Variants in POU6F2 observed in about 807,000 individuals in gnomAD.
The protein encoded by POU6F2 is POU domain, class 6, transcription factor 2.
A neutral mutation model predicts 71.3 loss-of-function variants in POU6F2; 31 were observed. The observed-to-expected ratio is 0.43, with a 90% CI of 0.33 to 0.59. The LOEUF (loss-of-function observed/expected upper bound fraction) is 0.59, where lower values mean the gene tolerates loss of function less well. Ranked by LOEUF, POU6F2 falls within the 20% of genes least tolerant of loss-of-function variation. POU6F2 has a pLI of 0.04. For missense variants in POU6F2, 783 were observed against 856.8 expected, an observed-to-expected ratio of 0.91 and a Z score of 1.07; for synonymous variants, 347 against 355.7, an observed-to-expected ratio of 0.98 and a Z score of 0.27.
At chr7:39,363,809 A>C (rs983393393) in intron 5 of POU6F2, among the ~76,000 whole-genome samples, 8 of 152,054 alleles carry the variant, frequency 5.3e-5, no homozygotes, top group Admixed American at 1.3e-4. Context: ...TTCACCTGGA[A>C]ATAAGTAGTG....
chr7:39,388,680 T>A (rs1180971150), intron 5 of POU6F2, among the ~76,000 whole-genome samples: 1 of 152,172 alleles, frequency 6.6e-6, no homozygotes, highest in Non-Finnish European at 1.5e-5. Context: ...GAATTGAACT[T>A]CCTGGGCTTA....
intron 5 of POU6F2, among the ~76,000 whole-genome samples, chr7:39,364,810 A>T (rs1786465426): frequency 6.6e-6 from 1 of 152,078 alleles, no homozygotes; most frequent in African/African-American, 2.4e-5. Context: ...ATCAAATGGT[A>T]GTTCTACTTT....
intron 2 of POU6F2, among the ~76,000 whole-genome samples, chr7:39,096,478 C>G (rs1051218551): frequency 6.6e-6 from 1 of 152,192 alleles, no homozygotes; most frequent in African/African-American, 2.4e-5. Context: ...CATTTACTCT[C>G]CCAGGGATGT....
intron 2 of POU6F2, among the ~76,000 whole-genome samples, chr7:39,097,192 G>A (rs1309137924): frequency 6.6e-6 from 1 of 151,868 alleles, no homozygotes; most frequent in Admixed American, 6.6e-5. Flanking sequence ...TAAATAAAAG[G>A]GTTATTATTA....
At chr7:39,153,617 GATTA>G (rs924274157) in intron 2 of POU6F2, among the ~76,000 whole-genome samples, 2 of 152,088 alleles carry the variant, frequency 1.3e-5, no homozygotes, top group African/African-American at 2.4e-5. Flanking sequence ...TTAATTAAAA[GATTA>G]ATTAAAAGAA....
intron 5 of POU6F2, among the ~76,000 whole-genome samples, chr7:39,354,124 T>C (rs1786205301): frequency 6.6e-6 from 1 of 152,084 alleles, no homozygotes; most frequent in African/African-American, 2.4e-5. Context: ...ACCAAACAAA[T>C]GGGAGGTGGG....
rs367639284 is a variant in POU6F2, at chr7:39,376,727, C to G, written c.973-29873C>G. Reference sequence around the variant, plus strand: ...GCTATTAAAATAGTGGCAATCACAACACTGGAAAAGCCTCCAGTTCCTAGA... The same window carrying G: ...GCTATTAAAATAGTGGCAATCACAAGACTGGAAAAGCCTCCAGTTCCTAGA... On this transcript the variant is annotated intron_variant, in intron 5 of 9. Transcript: ENST00000518318. Among the ~76,000 whole-genome samples the G allele has an allele frequency of 4.6e-5, 7 of 152,250 alleles. No homozygotes were observed. The East Asian group carries it at 5.8e-4, about 13-fold the overall frequency.
intron 2 of POU6F2, among the ~76,000 whole-genome samples, chr7:39,166,766 G>C (rs1167567353): frequency 6.6e-6 from 1 of 152,120 alleles, no homozygotes; most frequent in Non-Finnish European, 1.5e-5. Flanking sequence ...AGGTAGTGCT[G>C]GAATGTTCAC....
At chr7:39,049,639 C>G (rs188061100) in intron 1 of POU6F2, among the ~76,000 whole-genome samples, 2 of 152,132 alleles carry the variant, frequency 1.3e-5, no homozygotes, top group African/African-American at 4.8e-5. Context: ...TTTACTTTAT[C>G]ATAATACCAA....
intron 5 of POU6F2, among the ~76,000 whole-genome samples, chr7:39,359,444 G>C (rs1786329253): frequency 6.6e-6 from 1 of 151,952 alleles, no homozygotes; most frequent in Non-Finnish European, 1.5e-5. Flanking sequence ...ACAGTTTGGG[G>C]TTTTCTCTAC....
intron 1 of POU6F2, among the ~76,000 whole-genome samples, chr7:39,064,033 A>C (rs1212613411): frequency 6.6e-6 from 1 of 152,170 alleles, no homozygotes; most frequent in East Asian, 1.9e-4. Flanking sequence ...GAGATGAATC[A>C]AAATGAACTA....
intron 1 of POU6F2, among the ~76,000 whole-genome samples, chr7:39,019,450 A>G (rs1057324696): frequency 3.9e-5 from 6 of 152,234 alleles, no homozygotes; most frequent in Admixed American, 1.3e-4. Context: ...GCTCAACGCC[A>G]TATGGAATCT....
intron 5 of POU6F2, among the ~76,000 whole-genome samples, chr7:39,394,711 C>T (rs910959063): frequency 1.3e-5 from 2 of 152,158 alleles, no homozygotes; most frequent in Non-Finnish European, 1.5e-5. Flanking sequence ...CCCATCTGCT[C>T]AATTGGTCTG....
At chr7:39,340,067 A>G (rs1029350930) in intron 5 of POU6F2, 52 bp downstream of exon 5, 2 of 1,536,562 alleles carry the variant, frequency 1.3e-6, no homozygotes, top group Non-Finnish European at 1.8e-6. Context: ...GGACCTTTCC[A>G]TGGGGTGGTG....
intron 1 of POU6F2, among the ~76,000 whole-genome samples, chr7:39,061,781 T>C (rs915672664): frequency 3.3e-5 from 5 of 152,212 alleles, no homozygotes; most frequent in African/African-American, 1.2e-4. Context: ...TTCTTTGAAG[T>C]GACAGGCTCG....
intron 2 of POU6F2, among the ~76,000 whole-genome samples, chr7:39,186,478 T>C (rs1186478861): frequency 6.6e-6 from 1 of 152,148 alleles, no homozygotes; most frequent in Non-Finnish European, 1.5e-5. Flanking sequence ...TCTACATGTG[T>C]GCTTATGCTC....
intron 2 of POU6F2, among the ~76,000 whole-genome samples, chr7:39,119,374 T>C: frequency 6.6e-6 from 1 of 152,354 alleles, no homozygotes; most frequent in Non-Finnish European, 1.5e-5. Context: ...TAAATATCAC[T>C]GTACACTGTG....
At position 39,421,945 on chromosome 7, in the gene POU6F2, G is replaced by A. The variant is rs2299134; in HGVS notation, c.1114-11132G>A. Among the ~76,000 whole-genome samples, 1,335 of 152,256 alleles carry A rather than the reference G, an allele frequency of 8.8e-3. 23 individuals carry two copies. The highest frequency in any genetic ancestry group is 0.063 in the East Asian group (324 of 5,176). ...TCTGCAAATTCTAGATATTTTTGCT[G>A]GTATTAAAACTTAAAGTTCAGGCAA... is the stretch of plus-strand genomic sequence containing the variant. On this transcript the variant is annotated intron_variant, in intron 6 of 9. Coordinates refer to ENST00000518318, the MANE Select transcript of POU6F2 (RefSeq NM_001370959.1).
chr7:39,394,892 C>T (rs1281079725), intron 5 of POU6F2, among the ~76,000 whole-genome samples: 4 of 152,114 alleles, frequency 2.6e-5, no homozygotes, highest in African/African-American at 9.7e-5. Context: ...TCTGTCTCTC[C>T]GATACTCTAG....
Sources: allele counts gnomAD v4.1 joint callset (sites outside exome capture counted in the v4.1 genomes callset), GRCh38; gene constraint gnomAD v4.1.1; transcripts MANE v1.5; gene names NCBI Gene and HGNC (gene_info 2026-07-23, HGNC 2026-07-21).